The following KIRREL3 variants were observed in gnomAD, a reference collection of about 807,000 sequenced individuals.
KIRREL3 encodes the protein kin of IRRE-like protein 3.
KIRREL3 carries 36 observed loss-of-function variants against 89.7 expected under a neutral mutation model. The observed-to-expected ratio is 0.40, with a 90% CI of 0.31 to 0.53. The LOEUF (loss-of-function observed/expected upper bound fraction) is 0.53, where lower values mean the gene tolerates loss of function less well. Ranked by LOEUF, KIRREL3 falls within the 20% of genes least tolerant of loss-of-function variation. The probability of loss-of-function intolerance (pLI) is 0.49; values close to 1 mark genes in which losing one functional copy is unlikely to be tolerated. For missense variants in KIRREL3, 864 were observed against 1,056.6 expected (o/e 0.82, Z 2.53); for synonymous variants, 445 against 441.4 (o/e 1.01, Z -0.10).
In KIRREL3 at chr11:126,569,480, C is replaced by A. The variant is rs796733837; in HGVS notation, c.56-6568G>T. Among the ~76,000 whole-genome samples the A allele has an allele frequency of 6.6e-4, 100 of 152,222 alleles. No homozygotes were observed. Among genetic ancestry groups the A allele is most frequent in the African/African-American group, 2.4e-3 (100 of 41,526 alleles). On this transcript the variant is annotated intron_variant, in intron 1 of 16. Coordinates refer to ENST00000525144, the MANE Select transcript of KIRREL3 (RefSeq NM_032531.4). This position sits in a 1 kb window ranked among gnomAD's most constrained non-coding sequence, Gnocchi z 6.5. Reference sequence around the variant, plus strand: ...GTGTAAAGTCCAAGGCACAGACACTCGCAAAGAGGCCACTAAGTGCTGGGC... The same window carrying A: ...GTGTAAAGTCCAAGGCACAGACACTAGCAAAGAGGCCACTAAGTGCTGGGC...
Position 126,561,986 on chromosome 11 carries a change from C to T in KIRREL3, c.133+849G>A, listed in dbSNP as rs1940159084. Among the ~76,000 whole-genome samples the T allele has an allele frequency of 6.6e-6, 1 of 151,990 alleles. No homozygotes were observed. Among genetic ancestry groups the T allele is most frequent in the East Asian group, 1.9e-4 (1 of 5,166 alleles). On this transcript the variant is annotated intron_variant, in intron 2 of 16. Coordinates refer to ENST00000525144, the MANE Select transcript of KIRREL3 (RefSeq NM_032531.4). This position sits in a 1 kb window ranked among gnomAD's most constrained non-coding sequence, Gnocchi z 4.5. Reference sequence around the variant, plus strand: ...GGAATGAGGAGACATGGGCCCTGGGCCCTGGAAGGGGAGGGGTCCAGCCCA... The same window carrying T: ...GGAATGAGGAGACATGGGCCCTGGGTCCTGGAAGGGGAGGGGTCCAGCCCA...
In KIRREL3 at chr11:126,528,997, T is replaced by C. The variant is rs1958854503; in HGVS notation, c.134-2310A>G. Reference sequence around the variant, plus strand: ...CTGCAGTAACTGCCAAAGATTGTGCTATCAGAGAGAATTATCAGGTTGTCA... The same window carrying C: ...CTGCAGTAACTGCCAAAGATTGTGCCATCAGAGAGAATTATCAGGTTGTCA... On this transcript the variant is annotated intron_variant, in intron 2 of 16. Coordinates refer to ENST00000525144, the MANE Select transcript of KIRREL3 (RefSeq NM_032531.4). The surrounding 1 kb of genome is among the most constrained non-coding windows in gnomAD (Gnocchi z 4.6). 6.6e-6 allele frequency among the ~76,000 whole-genome samples: 1 copy of C among 152,214 alleles called. No individual in the cohort carries two copies. The highest frequency in any genetic ancestry group is 2.1e-4 in the South Asian group (1 of 4,836).
Position 126,905,920 on chromosome 11 carries a change from G to A in KIRREL3, c.55+94535C>T, listed in dbSNP as rs1946565224. Among the ~76,000 whole-genome samples, 1 of 152,220 alleles carries A rather than the reference G, an allele frequency of 6.6e-6. No individual in the cohort carries two copies. The highest frequency in any genetic ancestry group is 1.5e-5 in the Non-Finnish European group (1 of 68,042). ...CACAGCTAAGTGAGGATGCACGGAGGAGATGAAACAGGCTGACAGGCAGAG... is the reference window on the plus strand; with the variant it reads ...CACAGCTAAGTGAGGATGCACGGAGAAGATGAAACAGGCTGACAGGCAGAG... On this transcript the variant is annotated intron_variant, in intron 1 of 16. Transcript: ENST00000525144. The surrounding 1 kb of genome is among the most constrained non-coding windows in gnomAD (Gnocchi z 5.0).
chr11:126,641,997 A>G lies in KIRREL3; in HGVS notation c.56-79085T>C, dbSNP rs1306918978. ...GAAAAGTAGGTGTCTAGTGGGGAGG[A>G]GCTTCCTTCTGAAATGCTCAGAAAT... On this transcript the variant is annotated intron_variant, in intron 1 of 16. Coordinates refer to ENST00000525144, the MANE Select transcript of KIRREL3 (RefSeq NM_032531.4). The surrounding 1 kb of genome is among the most constrained non-coding windows in gnomAD (Gnocchi z 5.0). Among the ~76,000 whole-genome samples the G allele has an allele frequency of 6.6e-6, 1 of 152,064 alleles. No homozygotes were observed. The highest frequency in any genetic ancestry group is 2.4e-5 in the African/African-American group (1 of 41,384).
chr11:126,967,609 G>A (rs10893608), intron 1 of KIRREL3, among the ~76,000 whole-genome samples: 29,645 of 151,812 alleles, frequency 0.2, 3,522 homozygotes, highest in South Asian at 0.38. Flanking sequence ...AGAAGCAACC[G>A]CAGAGAAATG....
rs747627214 is a variant in KIRREL3 at position 126,541,619 on chromosome 11, AAC to A, written c.134-14934_134-14933del. Reference sequence around the variant, plus strand: ...ATCACCTGGGGGACTGGCTAAAAATAACAGTTTCCTGGGCTCCAACTCAGAGA... The same window carrying A: ...ATCACCTGGGGGACTGGCTAAAAATAAGTTTCCTGGGCTCCAACTCAGAGA... On this transcript the variant is annotated intron_variant, in intron 2 of 16. Coordinates refer to ENST00000525144, the MANE Select transcript of KIRREL3 (RefSeq NM_032531.4). The surrounding 1 kb of genome is among the most constrained non-coding windows in gnomAD (Gnocchi z 4.8). Among the ~76,000 whole-genome samples, 1 of 152,216 alleles carries A rather than the reference AAC, an allele frequency of 6.6e-6. No individual in the cohort carries two copies. Among genetic ancestry groups the A allele is most frequent in the African/African-American group, 2.4e-5 (1 of 41,450 alleles).
At position 126,508,705 on chromosome 11, in the gene KIRREL3, A is replaced by G. The variant is rs2134389523; in HGVS notation, c.433+12610T>C. Among the ~76,000 whole-genome samples, 1 of 152,338 alleles carries G rather than the reference A, an allele frequency of 6.6e-6. No homozygotes were observed. Among genetic ancestry groups the G allele is most frequent in the East Asian group, 1.9e-4 (1 of 5,188 alleles). On this transcript the variant is annotated intron_variant, in intron 4 of 16. Transcript: ENST00000525144. The surrounding 1 kb of genome is among the most constrained non-coding windows in gnomAD (Gnocchi z 4.9). ...GGGTTTCAGAGCCAGAAGCGACTGC[A>G]TTCAGATTCTCGTTCTTTACCTTTC...
intron 1 of KIRREL3, among the ~76,000 whole-genome samples, chr11:126,638,801 A>G (rs761014801): frequency 1.1e-4 from 17 of 152,252 alleles, no homozygotes; most frequent in Middle Eastern, 3.4e-3. Context: ...AGGAATCGCT[A>G]TGTGAAAGGA....
At chr11:126,813,852 T>G (rs1421596748) in intron 1 of KIRREL3, among the ~76,000 whole-genome samples, 1 of 150,648 alleles carries the variant, frequency 6.6e-6, no homozygotes, top group East Asian at 1.9e-4. Flanking sequence ...CATAGGCACA[T>G]GCAAGGGTTT....
rs1457977361 is a variant in KIRREL3 at position 126,768,618 on chromosome 11, A to G, written c.56-205706T>C. ...GAGGACTACTTTGGATGGGGTAGTC[A>G]GGATGGACTCTTGGAGGATGTGACC... On this transcript the variant is annotated intron_variant, in intron 1 of 16. Transcript: ENST00000525144. The surrounding 1 kb of genome is among the most constrained non-coding windows in gnomAD (Gnocchi z 4.5). Among the ~76,000 whole-genome samples the G allele has an allele frequency of 6.6e-6, 1 of 152,222 alleles. No individual in the cohort carries two copies. The highest frequency in any genetic ancestry group is 2.4e-5 in the African/African-American group (1 of 41,456).
In KIRREL3 at chr11:126,710,816, C is replaced by T. The variant is rs745330811; in HGVS notation, c.56-147904G>A. Among the ~76,000 whole-genome samples, 1 of 152,294 alleles carries T rather than the reference C, an allele frequency of 6.6e-6. No homozygotes were observed. Among genetic ancestry groups the T allele is most frequent in the South Asian group, 2.1e-4 (1 of 4,812 alleles). Reference sequence around the variant, plus strand: ...AGATCTACTACAGTTTGACAACTGCCACAAACACAAATCTTATTTGGGAGT... The same window carrying T: ...AGATCTACTACAGTTTGACAACTGCTACAAACACAAATCTTATTTGGGAGT... On this transcript the variant is annotated intron_variant, in intron 1 of 16. Transcript: ENST00000525144. This position sits in a 1 kb window ranked among gnomAD's most constrained non-coding sequence, Gnocchi z 4.2.
rs545565462 is a variant in KIRREL3, at chr11:126,690,841, C to T, written c.56-127929G>A. ...AGCACTGGGGGATTTTCTGTGAAAT[C>T]CTTGTCATTTCTTTTACCCATTTTC... On this transcript the variant is annotated intron_variant, in intron 1 of 16. Transcript: ENST00000525144. Among the ~76,000 whole-genome samples the T allele has an allele frequency of 1.2e-3, 182 of 152,320 alleles. 4 individuals are homozygous for T. The South Asian group carries it at 0.028, about 23-fold the overall frequency.
rs536340165 is a variant in KIRREL3 at position 126,917,099 on chromosome 11, A to G, written c.55+83356T>C. On this transcript the variant is annotated intron_variant, in intron 1 of 16. Coordinates refer to ENST00000525144, the MANE Select transcript of KIRREL3 (RefSeq NM_032531.4). This position sits in a 1 kb window ranked among gnomAD's most constrained non-coding sequence, Gnocchi z 5.0. ...CAAACACAAAATATGATATAGTCAC[A>G]CAATGGAATATCATTCAGCCATAAA... Among the ~76,000 whole-genome samples the G allele has an allele frequency of 6.6e-6, 1 of 152,366 alleles. No homozygotes were observed. The highest frequency in any genetic ancestry group is 2.1e-4 in the South Asian group (1 of 4,826).
rs910485544 is a variant in KIRREL3, at chr11:126,776,902, A to G, written c.56-213990T>C. Among the ~76,000 whole-genome samples, 1 of 152,192 alleles carries G rather than the reference A, an allele frequency of 6.6e-6. No homozygotes were observed. Among genetic ancestry groups the G allele is most frequent in the African/African-American group, 2.4e-5 (1 of 41,442 alleles). On this transcript the variant is annotated intron_variant, in intron 1 of 16. Coordinates refer to ENST00000525144, the MANE Select transcript of KIRREL3 (RefSeq NM_032531.4). The surrounding 1 kb of genome is among the most constrained non-coding windows in gnomAD (Gnocchi z 4.7). ...AATGGAGTGCAGGAGACCGGTGCCC[A>G]TGGGAAGCCTCCAAAAGTCTTGAAA... is the stretch of plus-strand genomic sequence containing the variant.
chr11:126,496,689 T>G lies in KIRREL3; in HGVS notation c.434-23223A>C, dbSNP rs1162516216. On this transcript the variant is annotated intron_variant, in intron 4 of 16. Coordinates refer to ENST00000525144, the MANE Select transcript of KIRREL3 (RefSeq NM_032531.4). The surrounding 1 kb of genome is among the most constrained non-coding windows in gnomAD (Gnocchi z 4.9). Reference sequence around the variant, plus strand: ...AGACTGAGGGCTACTCTTGGCTTCTTGTATCTGCCAAAACCCAAACAGAAG... The same window carrying G: ...AGACTGAGGGCTACTCTTGGCTTCTGGTATCTGCCAAAACCCAAACAGAAG... 6.6e-6 allele frequency among the ~76,000 whole-genome samples: 1 copy of G among 152,046 alleles called. No individual in the cohort carries two copies. Among genetic ancestry groups the G allele is most frequent in the East Asian group, 1.9e-4 (1 of 5,180 alleles).
At chr11:126,580,752 G>A (rs1941500697) in intron 1 of KIRREL3, among the ~76,000 whole-genome samples, 1 of 151,958 alleles carries the variant, frequency 6.6e-6, no homozygotes, top group Admixed American at 6.6e-5. Flanking sequence ...ATTCAGGAAG[G>A]AAGAACTTGC....
At chr11:126,478,795 A>ATG (rs923609520) in intron 4 of KIRREL3, among the ~76,000 whole-genome samples, 3 of 151,878 alleles carry the variant, frequency 2.0e-5, no homozygotes, top group Admixed American at 6.6e-5. Context: ...GTGTGCATGC[A>ATG]TGTGTGTGTG....
Position 126,563,223 on chromosome 11 carries a change from G to T in KIRREL3, c.56-311C>A, listed in dbSNP as rs1457092802. ...AAAGCCAGAGCTTTGAACCTAGGCA[G>T]TCTGGCTCTGAGTCCATGCTCATAA... is the stretch of plus-strand genomic sequence containing the variant. On this transcript the variant is annotated intron_variant, in intron 1 of 16. Transcript: ENST00000525144. The surrounding 1 kb of genome is among the most constrained non-coding windows in gnomAD (Gnocchi z 6.8). Among the ~76,000 whole-genome samples, 1 of 152,202 alleles carries T rather than the reference G, an allele frequency of 6.6e-6. No individual in the cohort carries two copies. Among genetic ancestry groups the T allele is most frequent in the Non-Finnish European group, 1.5e-5 (1 of 68,034 alleles).
At position 126,755,112 on chromosome 11, in the gene KIRREL3, G is replaced by C. The variant is rs1565704817; in HGVS notation, c.56-192200C>G. Among the ~76,000 whole-genome samples, 1 of 152,160 alleles carries C rather than the reference G, an allele frequency of 6.6e-6. No individual in the cohort carries two copies. Among genetic ancestry groups the C allele is most frequent in the Non-Finnish European group, 1.5e-5 (1 of 68,034 alleles). On this transcript the variant is annotated intron_variant, in intron 1 of 16. Coordinates refer to ENST00000525144, the MANE Select transcript of KIRREL3 (RefSeq NM_032531.4). This position sits in a 1 kb window ranked among gnomAD's most constrained non-coding sequence, Gnocchi z 4.3. Reference sequence around the variant, plus strand: ...TCTCCAGCACTTTAGTAACCTCCTAGTTTGTTTTAAATCTTGATTGGAAGA... The same window carrying C: ...TCTCCAGCACTTTAGTAACCTCCTACTTTGTTTTAAATCTTGATTGGAAGA...
Sources: gnomAD v4.1 joint callset for allele counts (sites outside exome capture counted in the v4.1 genomes callset) on GRCh38, gnomAD v4.1.1 for gene constraint, Gnocchi (gnomAD v3.1) non-coding constraint, MANE v1.5 for transcripts, NCBI Gene and HGNC (gene_info 2026-07-23, HGNC 2026-07-21) for gene names.